The following NAV2 variants were observed in gnomAD, a reference collection of about 807,000 sequenced individuals.
NAV2 encodes the protein neuron navigator 2.
A neutral mutation model predicts 223.2 loss-of-function variants in NAV2; 54 were observed. The ratio of observed to expected loss-of-function variants is 0.24; its 90% CI spans 0.19 to 0.30. The LOEUF (loss-of-function observed/expected upper bound fraction) is 0.30, where lower values mean the gene tolerates loss of function less well. NAV2 is among the 10% of genes least tolerant of loss of function. The pLI is 1.00. For missense variants in NAV2, 2,806 were observed against 3,147.5 expected (o/e 0.89, Z 2.60); for synonymous variants, 1,279 against 1,239.3 (o/e 1.03, Z -0.67).
intron 11 of NAV2, among the ~76,000 whole-genome samples, chr11:20,013,228 C>G (rs2053715751): frequency 6.6e-6 from 1 of 152,122 alleles, no homozygotes. Flanking sequence ...GTTTTGATAC[C>G]AACGTTGTAT....
chr11:19,463,628 C>T (rs1852241248), intron 1 of NAV2, among the ~76,000 whole-genome samples: 1 of 152,228 alleles, frequency 6.6e-6, no homozygotes, highest in Admixed American at 6.5e-5. Flanking sequence ...TGTGTGAGGG[C>T]TGCTAAATTT....
chr11:19,847,913 T>C (rs1457161777), intron 3 of NAV2, among the ~76,000 whole-genome samples: 1 of 152,198 alleles, frequency 6.6e-6, no homozygotes, highest in South Asian at 2.1e-4. Context: ...TGATCATTCA[T>C]GTTTTGGGGG....
chr11:19,791,568 G>C (rs1428248716), intron 1 of NAV2, among the ~76,000 whole-genome samples: 1 of 152,156 alleles, frequency 6.6e-6, no homozygotes, highest in East Asian at 1.9e-4. Flanking sequence ...AGCAGAGTTG[G>C]GGTGCTGCAG....
intron 1 of NAV2, among the ~76,000 whole-genome samples, chr11:19,407,298 C>G (rs1439880410): frequency 6.6e-6 from 1 of 152,214 alleles, no homozygotes; most frequent in Non-Finnish European, 1.5e-5. Context: ...AGCAACACAG[C>G]TAAACAGAGC....
intron 1 of NAV2, among the ~76,000 whole-genome samples, chr11:19,508,807 TA>T (rs560915152): frequency 4.5e-4 from 69 of 152,350 alleles, no homozygotes; most frequent in Admixed American, 1.4e-3. Flanking sequence ...ATTTGTTAAA[TA>T]AATGAACTAG....
chr11:19,676,265 G>T (rs2048707769), intron 1 of NAV2, among the ~76,000 whole-genome samples: 2 of 152,188 alleles, frequency 1.3e-5, no homozygotes, highest in African/African-American at 4.8e-5. Context: ...AGCATGCACT[G>T]CAGTGTGGAG....
chr11:19,403,004 G>C (rs1849751419), intron 1 of NAV2, among the ~76,000 whole-genome samples: 1 of 152,208 alleles, frequency 6.6e-6, no homozygotes, highest in Admixed American at 6.5e-5. Context: ...AGACTCTAGA[G>C]CTGGGCGCAA....
At chr11:19,844,186 G>T (rs528264971) in intron 3 of NAV2, among the ~76,000 whole-genome samples, 1 of 152,136 alleles carries the variant, frequency 6.6e-6, no homozygotes, top group Admixed American at 6.5e-5. Flanking sequence ...GCTGTCTAGG[G>T]TATTAATAAT....
intron 1 of NAV2, among the ~76,000 whole-genome samples, chr11:19,764,703 T>C (rs2055061487): frequency 6.6e-6 from 1 of 152,216 alleles, no homozygotes; most frequent in South Asian, 2.1e-4. Flanking sequence ...ATGTTATATG[T>C]GCGTGCATCT....
intron 36 of NAV2, among the ~76,000 whole-genome samples, chr11:20,114,156 C>T (rs2062856174): frequency 6.6e-6 from 1 of 152,188 alleles, no homozygotes; most frequent in African/African-American, 2.4e-5. Flanking sequence ...AAGCTGATAG[C>T]ACCTTTTTCC....
intron 1 of NAV2, among the ~76,000 whole-genome samples, chr11:19,668,350 T>C (rs1202641848): frequency 6.6e-6 from 1 of 151,922 alleles, no homozygotes; most frequent in Non-Finnish European, 1.5e-5. Flanking sequence ...CCAGCCAACA[T>C]GGCGAAACCT....
intron 1 of NAV2, among the ~76,000 whole-genome samples, chr11:19,550,333 T>C (rs1195302111): frequency 1.3e-5 from 2 of 152,166 alleles, no homozygotes; most frequent in African/African-American, 4.8e-5. Context: ...GAATAAGAAG[T>C]TAAAGGGAAT....
At position 19,998,591 on chromosome 11, in the gene NAV2, C is replaced by G. The variant is rs2052192653; in HGVS notation, c.2768+14344C>G. Among the ~76,000 whole-genome samples the G allele has an allele frequency of 6.6e-6, 1 of 152,194 alleles. No individual in the cohort carries two copies. The highest frequency in any genetic ancestry group is 2.1e-4 in the South Asian group (1 of 4,828). ...CCCCTGCGCACCTCTCCAGCCTCAC[C>G]TCATCACGCTTTACCTCCCTGACTC... is the stretch of plus-strand genomic sequence containing the variant. On this transcript the variant is annotated intron_variant, in intron 11 of 37. Coordinates refer to ENST00000349880, the MANE Select transcript of NAV2 (RefSeq NM_145117.5). The surrounding 1 kb of genome is among the most constrained non-coding windows in gnomAD (Gnocchi z 5.0).
rs1226152101 is a variant in NAV2, at chr11:19,832,573, C to A, written c.357C>A (p.Val119=). The A allele has an allele frequency of 1.9e-6, 3 of 1,614,082 alleles. No homozygotes were observed. Among genetic ancestry groups the A allele is most frequent in the Non-Finnish European group, 2.5e-6 (3 of 1,180,042 alleles). Residue 119 remains valine, a synonymous_variant, in exon 2 of 38, where the codon GTC becomes GTA. Transcript: ENST00000349880. ...TCCAGCAAGATGTGACAGATGGCGT[C>A]CTCCTGGCCCAGATTATCCAGGTTG... ...RDLQQDVTDG[V]LLAQIIQVVA...
intron 3 of NAV2, among the ~76,000 whole-genome samples, chr11:19,852,091 G>A (rs2061177501): frequency 6.6e-6 from 1 of 152,186 alleles, no homozygotes. Context: ...ATGCAGCCCT[G>A]CCAAATCCTA....
At chr11:19,589,040 C>T (rs1166649860) in intron 1 of NAV2, among the ~76,000 whole-genome samples, 1 of 152,240 alleles carries the variant, frequency 6.6e-6, no homozygotes, top group Admixed American at 6.5e-5. Flanking sequence ...CTCACCATAC[C>T]TGGTCCTTCC....
At chr11:19,705,279 A>T (rs1224764355) in intron 1 of NAV2, among the ~76,000 whole-genome samples, 3 of 152,118 alleles carry the variant, frequency 2.0e-5, no homozygotes, top group Non-Finnish European at 4.4e-5. Flanking sequence ...GGTGGTGCTC[A>T]CTCCAAAATA....
intron 1 of NAV2, among the ~76,000 whole-genome samples, chr11:19,366,664 C>T (rs1250952098): frequency 6.6e-6 from 1 of 152,134 alleles, no homozygotes; most frequent in Non-Finnish European, 1.5e-5. Flanking sequence ...GAACCATATG[C>T]AAATCACCTC....
intron 7 of NAV2, among the ~76,000 whole-genome samples, chr11:19,936,601 A>C (rs902457235): frequency 6.6e-6 from 1 of 152,174 alleles, no homozygotes; most frequent in African/African-American, 2.4e-5. Flanking sequence ...CGCTGGAAAT[A>C]AGAGCACCAG....
Sources: gnomAD v4.1 joint callset for allele counts (sites outside exome capture counted in the v4.1 genomes callset) on GRCh38, gnomAD v4.1.1 for gene constraint, Gnocchi (gnomAD v3.1) non-coding constraint, MANE v1.5 for transcripts, NCBI Gene and HGNC (gene_info 2026-07-23, HGNC 2026-07-21) for gene names.